BTAF1: variants seen among roughly 807,000 people sequenced by gnomAD.
BTAF1 encodes B-TFIID TATA-box binding protein associated factor 1.
Under a neutral mutation model 227.1 loss-of-function variants are expected in BTAF1, and 38 were observed. The ratio of observed to expected loss-of-function variants is 0.17; its 90% CI spans 0.13 to 0.22. The LOEUF is 0.22. Among genes scored for constraint, BTAF1 ranks in the 10% least tolerant of loss-of-function variants. BTAF1 has a pLI of 1.00. For synonymous variants in BTAF1, 742 were observed against 751.9 expected, an observed-to-expected ratio of 0.99 and a Z score of 0.21; for missense variants, 1,598 against 2,204.0, an observed-to-expected ratio of 0.73 and a Z score of 5.51.
intron 14 of BTAF1, among the ~76,000 whole-genome samples, chr10:91,975,723 T>A (rs188017076): frequency 1.3e-5 from 2 of 152,304 alleles, no homozygotes; most frequent in East Asian, 3.9e-4. Flanking sequence ...ATGCTCAGAT[T>A]GCTCCTTTTT....
At chr10:91,991,795 GTGTATATATATATATA>G (rs1848795521) in intron 20 of BTAF1, among the ~76,000 whole-genome samples, 1 of 5,626 alleles carries the variant, frequency 1.8e-4, no homozygotes, top group Non-Finnish European at 1.2e-3. Flanking sequence ...GTGTGTGTGT[GTGTATATATATATATA>G]TATATATATA....
chr10:92,022,444 G>A (rs775564882), intron 34 of BTAF1, among the ~76,000 whole-genome samples: 1 of 152,078 alleles, frequency 6.6e-6, no homozygotes, highest in Non-Finnish European at 1.5e-5. Context: ...CTCCTAGAGA[G>A]AGGGTCTTAC....
intron 32 of BTAF1, among the ~76,000 whole-genome samples, chr10:92,016,045 T>G (rs1384731850): frequency 6.6e-6 from 1 of 152,222 alleles, no homozygotes. Flanking sequence ...GGTAATGTAT[T>G]TATTTTCCTG....
intron 35 of BTAF1, 85 bp downstream of exon 35, chr10:92,025,052 T>G (rs1851400770): frequency 1.7e-6 from 2 of 1,193,152 alleles, no homozygotes; most frequent in East Asian, 5.1e-5. Flanking sequence ...TTTCATTGGC[T>G]AAATATCTGC....
intron 25 of BTAF1, among the ~76,000 whole-genome samples, chr10:92,000,419 GA>G (rs1849440360): frequency 6.6e-6 from 1 of 152,186 alleles, no homozygotes; most frequent in African/African-American, 2.4e-5. Flanking sequence ...AGTATTTTAG[GA>G]AAATCAGTTT....
rs1455506834 is a variant in BTAF1, at chr10:91,992,258, A to G, written c.2994A>G (p.Ile998Met). The change falls in exon 21 of 38, where the codon ATA becomes ATG. Residue 998 changes from isoleucine (I) to methionine (M), a missense_variant. Physicochemically the swap from Ile to Met is conservative, Grantham distance 10. Around this residue, in one of 10 missense-constraint regions of BTAF1, gnomAD observed 425 missense variants for 491.2 expected, o/e 0.87. Transcript: ENST00000265990. ...GPTPKAVKAQ[I>M]ADLPAGSSGN... ...CCCCCAAAGCAGTAAAAGCTCAAAT[A>G]GCAGATCTTCCTGCAGGAAGTAGTG... 1.2e-6 allele frequency: 2 copies of G among 1,613,500 alleles called. No individual in the cohort carries two copies. The highest frequency in any genetic ancestry group is 1.7e-6 in the Non-Finnish European group (2 of 1,179,928).
chr10:92,030,956 G>T lies in BTAF1; in HGVS notation c.*2023G>T, dbSNP rs796616438. Among the ~76,000 whole-genome samples the T allele has an allele frequency of 1.3e-5, 2 of 152,274 alleles. No homozygotes were observed. Among genetic ancestry groups the T allele is most frequent in the African/African-American group, 4.8e-5 (2 of 41,574 alleles). On this transcript the variant is annotated 3_prime_UTR_variant, in exon 38 of 38. Transcript: ENST00000265990. ...GAATAATGAAGAGATGTGGAGAATTGAACTGAGTAATGAATGATATTAAAG... is the reference window on the plus strand; with the variant it reads ...GAATAATGAAGAGATGTGGAGAATTTAACTGAGTAATGAATGATATTAAAG...
rs775411378 is a variant in BTAF1, at chr10:91,951,681, T to G, written c.564+115T>G. The G allele has an allele frequency of 2.3e-4, 252 of 1,096,496 alleles. 1 individual carries two copies. The highest frequency in any genetic ancestry group is 3.0e-4 in the Non-Finnish European group (238 of 798,066). 67.9% of individuals were successfully genotyped at this position (1,096,496 alleles called of 1,614,324 possible). A position where few individuals can be genotyped will look rare whatever the true frequency, so the allele number is the denominator to read the frequency against. Reference sequence around the variant, plus strand: ...TATACTTAGCTCTGTTCATTGCTGCTTAGTGCCACCATAATTTAGCATCTT... The same window carrying G: ...TATACTTAGCTCTGTTCATTGCTGCGTAGTGCCACCATAATTTAGCATCTT... On this transcript the variant is annotated intron_variant, in intron 5 of 37. Coordinates refer to ENST00000265990, the MANE Select transcript of BTAF1 (RefSeq NM_003972.3).
Position 91,988,665 on chromosome 10 carries a change from T to C in BTAF1, c.2428-489T>C, listed in dbSNP as rs185506885. Among the ~76,000 whole-genome samples, 396 of 152,254 alleles carry C rather than the reference T, an allele frequency of 2.6e-3. 3 individuals carry two copies. Among genetic ancestry groups the C allele is most frequent in the Admixed American group, 4.9e-3 (75 of 15,288 alleles). On this transcript the variant is annotated intron_variant, in intron 19 of 37. Coordinates refer to ENST00000265990, the MANE Select transcript of BTAF1 (RefSeq NM_003972.3). ...CTGGGCATTTCCACCAGAAGGGAGG[T>C]TAAAGAAAGAAAGAGAATGATTCAG...
At chr10:91,942,302 GTGTGTGT>G in intron 3 of BTAF1, 113 bp from the exon 4 acceptor site, 1 of 99,768 alleles carries the variant, frequency 1.0e-5, no homozygotes, top group Non-Finnish European at 2.2e-5. Flanking sequence ...AAAAGTTTGT[GTGTGTGT>G]GTGTGTGTGT....
Position 91,956,980 on chromosome 10 carries a change from T to A in BTAF1, c.832-245T>A, listed in dbSNP as rs192470601. ...ACTCTAGCCTGGCCTACAGGGCGAGTCTCTGTCTCAAAAAAAAAAAATTGC... is the reference window on the plus strand; with the variant it reads ...ACTCTAGCCTGGCCTACAGGGCGAGACTCTGTCTCAAAAAAAAAAAATTGC... On this transcript the variant is annotated intron_variant, in intron 7 of 37. Transcript: ENST00000265990. Among the ~76,000 whole-genome samples, 27 of 151,568 alleles carry A rather than the reference T, an allele frequency of 1.8e-4. No homozygotes were observed. In the East Asian group the frequency reaches 4.7e-3, roughly 26 times the overall value.
intron 25 of BTAF1, among the ~76,000 whole-genome samples, chr10:91,998,097 T>A (rs1248503857): frequency 2.8e-5 from 4 of 141,064 alleles, no homozygotes; most frequent in Middle Eastern, 7.7e-3. Flanking sequence ...CTGCACTGTA[T>A]GTATCCTGGG....
chr10:91,992,740 C>G (rs1433498063), intron 21 of BTAF1, among the ~76,000 whole-genome samples: 1 of 152,198 alleles, frequency 6.6e-6, no homozygotes, highest in Admixed American at 6.5e-5. Context: ...AGTTATCCCA[C>G]TATTGAATCC....
intron 25 of BTAF1, among the ~76,000 whole-genome samples, chr10:92,000,622 G>A (rs1274952990): frequency 6.6e-6 from 1 of 152,116 alleles, no homozygotes; most frequent in Admixed American, 6.5e-5. Flanking sequence ...GCAATGGTGT[G>A]ATCTTGGCTC....
chr10:91,955,994 C>A (rs766175956), intron 6 of BTAF1, among the ~76,000 whole-genome samples: 26 of 152,100 alleles, frequency 1.7e-4, no homozygotes, highest in Non-Finnish European at 3.1e-4. Context: ...CCTCTCCTTT[C>A]CAGTATTAGG....
At chr10:91,930,658 G>T (rs1421793398) in intron 1 of BTAF1, among the ~76,000 whole-genome samples, 1 of 152,138 alleles carries the variant, frequency 6.6e-6, no homozygotes, top group Admixed American at 6.5e-5. Context: ...TGTTTCTTTT[G>T]ACCTTAATGA....
At chr10:91,942,295 A>AAGTGT (rs398114637) in intron 3 of BTAF1, 127 bp from the exon 4 acceptor site, 45 of 553,740 alleles carry the variant, frequency 8.1e-5, no homozygotes, top group Non-Finnish European at 1.1e-4. Flanking sequence ...TAAAAAAAAA[A>AAGTGT]GTTTGTGTGT....
chr10:92,016,050 T>C (rs1850699837), intron 32 of BTAF1, among the ~76,000 whole-genome samples: 1 of 152,230 alleles, frequency 6.6e-6, no homozygotes, highest in Admixed American at 6.5e-5. Flanking sequence ...TGTATTTATT[T>C]TCCTGAACAG....
At chr10:91,950,149 G>GTTGT (rs142564084) in intron 4 of BTAF1, among the ~76,000 whole-genome samples, 1 of 39,596 alleles carries the variant, frequency 2.5e-5, no homozygotes, top group Non-Finnish European at 6.0e-5. Flanking sequence ...TGTCCTTTGT[G>GTTGT]GGGGGGGGCG....
Sources: allele counts gnomAD v4.1 joint callset (sites outside exome capture counted in the v4.1 genomes callset), GRCh38; gene constraint gnomAD v4.1.1; regional missense constraint gnomAD v4.1.1; transcripts MANE v1.5; gene names NCBI Gene and HGNC (gene_info 2026-07-23, HGNC 2026-07-21).